ATG4B: variants seen among roughly 807,000 people sequenced by gnomAD.
ATG4B encodes the protein autophagy related 4B cysteine peptidase, also known as cysteine protease ATG4B.
A neutral mutation model predicts 56.6 loss-of-function variants in ATG4B; 29 were observed. The ratio of observed to expected loss-of-function variants is 0.51; its 90% confidence interval spans 0.38 to 0.70. The LOEUF is 0.70. Ranked by LOEUF, ATG4B falls within the 30% of genes least tolerant of loss-of-function variation. The pLI is 0.00. For synonymous variants in ATG4B, 224 were observed against 206.1 expected (o/e 1.09, Z -0.74); for missense variants, 461 against 515.5 (o/e 0.89, Z 1.02).
chr2:241,668,901 G>T lies in ATG4B; in HGVS notation c.957+216G>T. The T allele has an allele frequency of 4.6e-6, 3 of 647,994 alleles. No individual in the cohort carries two copies. The South Asian group carries it at 6.1e-5, about 13-fold the overall frequency. The allele number at this position is 647,994 out of a possible 1,614,324, so 40.1% of individuals were successfully genotyped here. ...CACCACCTCCTGTGCAGCCTTCATG[G>T]CCTTCGAGTGGCCCAGAGAGCGTGT... On this transcript the variant is annotated intron_variant, in intron 10 of 12. Transcript: ENST00000404914. This position sits in a 1 kb window ranked among gnomAD's most constrained non-coding sequence, Gnocchi z 4.2.
In ATG4B at chr2:241,672,508, A is replaced by AGCTT; in HGVS notation, c.*245_*248dup. The AGCTT allele has an allele frequency of 1.8e-6, 1 of 558,380 alleles. No homozygotes were observed. The highest frequency in any genetic ancestry group is 2.2e-5 in the South Asian group (1 of 46,422). 34.6% of individuals were successfully genotyped at this position (558,380 alleles called of 1,614,324 possible). A position where few individuals can be genotyped will look rare whatever the true frequency, so the allele number is the denominator to read the frequency against. ...TCCGCACGCGGAGCCGTCTGTTAGGAGCTTCCAGAGTGTTCTCTCGACACT... is the reference window on the plus strand; with the variant it reads ...TCCGCACGCGGAGCCGTCTGTTAGGAGCTTGCTTCCAGAGTGTTCTCTCGACACT... On this transcript the variant is annotated 3_prime_UTR_variant, in exon 13 of 13. Transcript: ENST00000404914.
intron 1 of ATG4B, among the ~76,000 whole-genome samples, chr2:241,644,709 G>A (rs1575058662): frequency 6.6e-6 from 1 of 152,122 alleles, no homozygotes; most frequent in African/African-American, 2.4e-5. Flanking sequence ...CAGCACTTTC[G>A]GAAGCTGATG....
chr2:241,645,605 G>C (rs1002407940), intron 1 of ATG4B, among the ~76,000 whole-genome samples: 26 of 152,160 alleles, frequency 1.7e-4, no homozygotes, highest in African/African-American at 6.3e-4. Flanking sequence ...GTCACAAGAA[G>C]GTCACTAGCC....
At chr2:241,641,037 G>A (rs983825798) in intron 1 of ATG4B, among the ~76,000 whole-genome samples, 1 of 152,214 alleles carries the variant, frequency 6.6e-6, no homozygotes, top group Non-Finnish European at 1.5e-5. Context: ...GTACTGCAGA[G>A]GGGCAAGGGC....
At chr2:241,660,994 G>T (rs1266321853) in intron 7 of ATG4B, among the ~76,000 whole-genome samples, 3 of 152,214 alleles carry the variant, frequency 2.0e-5, no homozygotes, top group Admixed American at 1.3e-4. Context: ...GGTAGCACTG[G>T]TGGGAGTGTT....
chr2:241,651,135 C>G lies in ATG4B; in HGVS notation c.112+24C>G. 2 of 1,596,008 alleles carry G rather than the reference C, an allele frequency of 1.3e-6. No homozygotes were observed. The highest frequency in any genetic ancestry group is 1.3e-5 in the African/African-American group (1 of 74,710). On this transcript the variant is annotated intron_variant, in intron 2 of 12. Coordinates refer to ENST00000404914, the MANE Select transcript of ATG4B (RefSeq NM_013325.5). This position sits in a 1 kb window ranked among gnomAD's most constrained non-coding sequence, Gnocchi z 4.1. ...AGGTATCGGCCATGCTGGAGCCCAC[C>G]CTGGTCTGACCGCTTGGCCTGCAGA...
intron 7 of ATG4B, among the ~76,000 whole-genome samples, chr2:241,661,755 C>A (rs1406448494): frequency 6.6e-6 from 1 of 151,948 alleles, no homozygotes; most frequent in Non-Finnish European, 1.5e-5. Flanking sequence ...CAACCCATCC[C>A]CCCCGCAACT....
chr2:241,669,849 C>T (rs2068903738), intron 10 of ATG4B, among the ~76,000 whole-genome samples: 1 of 152,174 alleles, frequency 6.6e-6, no homozygotes, highest in African/African-American at 2.4e-5. Flanking sequence ...AATTCCTCGT[C>T]GAACTAGAAT....
At chr2:241,663,811 ATTTTTT>A (rs544195724) in intron 7 of ATG4B, among the ~76,000 whole-genome samples, 7 of 140,208 alleles carry the variant, frequency 5.0e-5, no homozygotes, top group African/African-American at 1.6e-4. Flanking sequence ...CCAGACGTCT[ATTTTTT>A]TTTTTTTTTT....
chr2:241,665,420 G>T (rs1575085745), intron 7 of ATG4B, among the ~76,000 whole-genome samples: 2 of 152,240 alleles, frequency 1.3e-5, no homozygotes, highest in African/African-American at 4.8e-5. Flanking sequence ...CTGGTTGAGG[G>T]TCCGGTGCTG....
intron 4 of ATG4B, among the ~76,000 whole-genome samples, chr2:241,654,152 G>A (rs1170305829): frequency 6.6e-6 from 1 of 152,148 alleles, no homozygotes; most frequent in Non-Finnish European, 1.5e-5. Flanking sequence ...GCTGGGTGTG[G>A]TGGCTCACGC....
At chr2:241,671,978 G>T in intron 12 of ATG4B, 3 of 1,411,406 alleles carry the variant, frequency 2.1e-6, no homozygotes, top group Non-Finnish European at 2.8e-6. Flanking sequence ...GCCGCCCCCT[G>T]CCCTCCTCAC....
At chr2:241,670,919 C>A in intron 11 of ATG4B, 137 bp downstream of exon 11, 1 of 938,870 alleles carries the variant, frequency 1.1e-6, no homozygotes, top group Non-Finnish European at 1.7e-6. Flanking sequence ...CCGCCTGGCA[C>A]AGCTATGTAG....
intron 1 of ATG4B, among the ~76,000 whole-genome samples, chr2:241,644,810 G>A (rs759132274): frequency 4.6e-5 from 7 of 151,984 alleles, no homozygotes; most frequent in Non-Finnish European, 8.8e-5. Context: ...TTAGCCAGGC[G>A]TGGTGGCACA....
intron 7 of ATG4B, chr2:241,659,585 C>A (rs752237011): frequency 6.1e-5 from 21 of 342,884 alleles, no homozygotes; most frequent in Non-Finnish European, 1.1e-4. Context: ...AAAGGCACGT[C>A]GTGAAGGCAG....
chr2:241,671,678 G>T, intron 12 of ATG4B: 1 of 1,391,938 alleles, frequency 7.2e-7, no homozygotes. Flanking sequence ...GTCCTCAGGG[G>T]TCTGGAGCAG....
chr2:241,657,185 C>G (rs1359208665), intron 6 of ATG4B, among the ~76,000 whole-genome samples: 1 of 145,428 alleles, frequency 6.9e-6, no homozygotes, highest in African/African-American at 2.6e-5. Flanking sequence ...CCATGTTGGC[C>G]AGGCTGGTCT....
rs1386165998 is a variant in ATG4B, at chr2:241,651,260, C to G, written c.113-4C>G. 4 of 1,594,790 alleles carry G rather than the reference C, an allele frequency of 2.5e-6. No homozygotes were observed. Among genetic ancestry groups the G allele is most frequent in the Non-Finnish European group, 3.4e-6 (4 of 1,170,678 alleles). ...GTGTTTTTTTTCTTTTAAACAACCT[C>G]TAGAAAAGGACGAGATCTTGTCTGA... On this transcript the variant is annotated splice_polypyrimidine_tract_variant and splice_region_variant and intron_variant, in intron 2 of 12. Coordinates refer to ENST00000404914, the MANE Select transcript of ATG4B (RefSeq NM_013325.5). This position sits in a 1 kb window ranked among gnomAD's most constrained non-coding sequence, Gnocchi z 4.1.
chr2:241,648,911 T>A (rs1240422394), intron 1 of ATG4B, among the ~76,000 whole-genome samples: 1 of 152,246 alleles, frequency 6.6e-6, no homozygotes, highest in Non-Finnish European at 1.5e-5. Flanking sequence ...TAGTAAAATT[T>A]GTGTGCCTTT....
Sources: gnomAD v4.1 joint callset for allele counts (sites outside exome capture counted in the v4.1 genomes callset) on GRCh38, gnomAD v4.1.1 for gene constraint, Gnocchi (gnomAD v3.1) non-coding constraint, MANE v1.5 for transcripts, NCBI Gene and HGNC (gene_info 2026-07-23, HGNC 2026-07-21) for gene names.